ARHGAP28: variants seen among roughly 807,000 people sequenced by gnomAD.
ARHGAP28 encodes rho GTPase-activating protein 28.
Under a neutral mutation model 90.7 loss-of-function variants are expected in ARHGAP28, and 56 were observed. The observed-to-expected ratio is 0.62, with a 90% CI of 0.50 to 0.77. The LOEUF (loss-of-function observed/expected upper bound fraction) is 0.77. ARHGAP28 is among the 30% of genes least tolerant of loss of function. The pLI, the probability that ARHGAP28 is intolerant of heterozygous loss-of-function variation, is 0.00. For missense variants in ARHGAP28, 869 were observed against 900.9 expected (o/e 0.96, Z 0.45); for synonymous variants, 308 against 323.3 (o/e 0.95, Z 0.51).
chr18:6,827,871 C>T (rs1600221964), intron 2 of ARHGAP28, among the ~76,000 whole-genome samples: 1 of 151,084 alleles, frequency 6.6e-6, no homozygotes, highest in East Asian at 2.0e-4. Flanking sequence ...AGACGATGGG[C>T]GGCCGGGAAG....
At chr18:6,795,460 C>T (rs747431070) in intron 1 of ARHGAP28, among the ~76,000 whole-genome samples, 8 of 152,206 alleles carry the variant, frequency 5.3e-5, no homozygotes, top group Non-Finnish European at 1.2e-4. Context: ...GCCTCACACA[C>T]ATTCTTTTGC....
intron 1 of ARHGAP28, among the ~76,000 whole-genome samples, chr18:6,757,451 T>C (rs1316695529): frequency 6.6e-6 from 1 of 152,158 alleles, no homozygotes; most frequent in Non-Finnish European, 1.5e-5. Flanking sequence ...GAAAGGAACG[T>C]ATCTGAAGTA....
chr18:6,763,238 G>A (rs1405175674), intron 1 of ARHGAP28, among the ~76,000 whole-genome samples: 7 of 152,020 alleles, frequency 4.6e-5, no homozygotes, highest in Middle Eastern at 3.4e-3. Flanking sequence ...ATGCACCACC[G>A]TGCCTGCCTA....
intron 12 of ARHGAP28, among the ~76,000 whole-genome samples, chr18:6,887,726 A>G (rs1278121002): frequency 2.0e-5 from 3 of 152,306 alleles, no homozygotes; most frequent in East Asian, 1.9e-4. Context: ...CCCGGGCGGT[A>G]TGTTCTTAAA....
intron 16 of ARHGAP28, 49 bp from the exon 17 acceptor site, chr18:6,908,911 C>T (rs763179522): frequency 8.8e-6 from 10 of 1,138,598 alleles, no homozygotes; most frequent in East Asian, 2.4e-5. Context: ...ATTTTTACCT[C>T]AGATCAGGAA....
At chr18:6,904,660 A>C (rs559310648) in intron 16 of ARHGAP28, among the ~76,000 whole-genome samples, 1 of 152,320 alleles carries the variant, frequency 6.6e-6, no homozygotes, top group South Asian at 2.1e-4. Flanking sequence ...GTTCTTTTAA[A>C]AAACAATAAA....
intron 1 of ARHGAP28, among the ~76,000 whole-genome samples, chr18:6,810,862 A>G (rs1003376333): frequency 2.0e-5 from 3 of 152,056 alleles, no homozygotes; most frequent in East Asian, 1.9e-4. Context: ...TTCTGCTAGG[A>G]GACAGATCTG....
intron 14 of ARHGAP28, 93 bp from the exon 15 acceptor site, chr18:6,894,742 A>G: frequency 1.3e-5 from 13 of 1,007,774 alleles, no homozygotes; most frequent in Non-Finnish European, 1.6e-5. Flanking sequence ...TATTGCCAAA[A>G]TGTTCTCCAT....
At chr18:6,909,197 T>C (rs2057380658) in intron 17 of ARHGAP28, among the ~76,000 whole-genome samples, 173 bp downstream of exon 17, 1 of 152,164 alleles carries the variant, frequency 6.6e-6, no homozygotes, top group African/African-American at 2.4e-5. Context: ...TTCTAAAATG[T>C]TTTCAAAATT....
intron 1 of ARHGAP28, among the ~76,000 whole-genome samples, chr18:6,743,146 C>T (rs2055994077): frequency 6.6e-6 from 1 of 152,004 alleles, no homozygotes. Flanking sequence ...ACGAGGGGAG[C>T]ATTAAAAAAT....
intron 1 of ARHGAP28, among the ~76,000 whole-genome samples, chr18:6,731,312 G>GTT (rs2055880610): frequency 6.6e-6 from 1 of 151,636 alleles, no homozygotes; most frequent in South Asian, 2.1e-4. Context: ...GTGTGTGTGT[G>GTT]TTTTGATGAA....
At chr18:6,752,171 A>G (rs1168438484) in intron 1 of ARHGAP28, among the ~76,000 whole-genome samples, 1 of 152,186 alleles carries the variant, frequency 6.6e-6, no homozygotes, top group East Asian at 1.9e-4. Context: ...AAATTGGCCA[A>G]TGCCCATTCA....
At chr18:6,841,152 C>CTCTCTCTCTCCTCTCTCTCTCTCT (rs1369547091) in intron 3 of ARHGAP28, among the ~76,000 whole-genome samples, 1 of 112,330 alleles carries the variant, frequency 8.9e-6, no homozygotes, top group African/African-American at 3.3e-5. Flanking sequence ...CTGTCTCTCT[C>CTCTCTCTCTCCTCTCTCTCTCTCT]CTCTTTCTCT....
intron 6 of ARHGAP28, among the ~76,000 whole-genome samples, chr18:6,869,857 A>C (rs964649252): frequency 2.0e-5 from 3 of 152,234 alleles, no homozygotes; most frequent in African/African-American, 7.2e-5. Context: ...ACAAGCTGAA[A>C]TCTGAATCCG....
chr18:6,783,580 C>T (rs1163441233), intron 1 of ARHGAP28, among the ~76,000 whole-genome samples: 3 of 151,990 alleles, frequency 2.0e-5, no homozygotes, highest in African/African-American at 2.4e-5. Context: ...GGATTACAGG[C>T]GTGAGCCACC....
chr18:6,760,735 C>G (rs1159120572), intron 1 of ARHGAP28, among the ~76,000 whole-genome samples: 1 of 152,166 alleles, frequency 6.6e-6, no homozygotes, highest in East Asian at 1.9e-4. Context: ...TTTAAAACCT[C>G]CATCACCATT....
intron 1 of ARHGAP28, 135 bp downstream of exon 1, chr18:6,730,078 T>TG: frequency 3.3e-6 from 3 of 920,070 alleles, no homozygotes; most frequent in Non-Finnish European, 4.4e-6. Flanking sequence ...ACTAGATGAG[T>TG]GAGCCTGGGG....
intron 4 of ARHGAP28, among the ~76,000 whole-genome samples, chr18:6,852,111 T>C (rs1192573643): frequency 2.0e-5 from 3 of 152,232 alleles, no homozygotes; most frequent in Non-Finnish European, 4.4e-5. Context: ...CGTCTTATAA[T>C]CTCATTAATA....
intron 1 of ARHGAP28, among the ~76,000 whole-genome samples, chr18:6,815,358 G>T (rs1015210068): frequency 1.3e-5 from 2 of 151,972 alleles, no homozygotes; most frequent in East Asian, 3.9e-4. Flanking sequence ...ATGCCCCTTT[G>T]GGAAAATTTT....
Sources: allele counts gnomAD v4.1 joint callset (sites outside exome capture counted in the v4.1 genomes callset), GRCh38; gene constraint gnomAD v4.1.1; transcripts MANE v1.5; gene names NCBI Gene and HGNC (gene_info 2026-07-23, HGNC 2026-07-21).